The following ROR1 variants were observed in gnomAD, a reference collection of about 807,000 sequenced individuals.
ROR1 encodes inactive tyrosine-protein kinase transmembrane receptor ROR1.
A neutral mutation model predicts 78.8 loss-of-function variants in ROR1; 19 were observed. The ratio of observed to expected loss-of-function variants is 0.24; its 90% confidence interval spans 0.17 to 0.35. The LOEUF is 0.35. Among genes scored for constraint, ROR1 ranks in the 10% least tolerant of loss-of-function variants. The pLI, the probability that ROR1 is intolerant of heterozygous loss-of-function variation, is 1.00. For synonymous variants in ROR1, 386 were observed against 433.6 expected (o/e 0.89, Z 1.36); for missense variants, 917 against 1,177.8 (o/e 0.78, Z 3.24).
At chr1:63,821,930 G>A (rs897037383) in intron 1 of ROR1, among the ~76,000 whole-genome samples, 21 of 152,168 alleles carry the variant, frequency 1.4e-4, no homozygotes, top group African/African-American at 3.9e-4. Flanking sequence ...TCTCATATGG[G>A]ATTTTGGTAT....
chr1:63,802,467 A>T (rs1317525539), intron 1 of ROR1, among the ~76,000 whole-genome samples: 2 of 152,226 alleles, frequency 1.3e-5, no homozygotes, highest in Non-Finnish European at 2.9e-5. Flanking sequence ...AATTTTTACA[A>T]TGCTCATGAA....
Position 63,774,444 on chromosome 1 carries a change from G to T in ROR1, c.27G>T (p.Thr9=). The T allele has an allele frequency of 3.4e-6, 4 of 1,176,058 alleles. No homozygotes were observed. The highest frequency in any genetic ancestry group is 4.2e-6 in the Non-Finnish European group (4 of 957,046). The allele number at this position is 1,176,058 out of a possible 1,614,324, so 72.9% of individuals were successfully genotyped here. The part of the protein sequence containing the change: MHRPRRRG[T]RPPLLALLAA... ...TGCACCGGCCGCGCCGCCGCGGGACGCGCCCGCCGCTCCTGGCGCTGCTGG... is the reference window on the plus strand; with the variant it reads ...TGCACCGGCCGCGCCGCCGCGGGACTCGCCCGCCGCTCCTGGCGCTGCTGG... The change falls in exon 1 of 9, where the codon ACG becomes ACT. Residue 9 remains threonine (T), a synonymous_variant. Coordinates refer to ENST00000371079, the MANE Select transcript of ROR1 (RefSeq NM_005012.4). The surrounding 1 kb of genome is among the most constrained non-coding windows in gnomAD (Gnocchi z 5.7).
rs763789277 is a variant in ROR1 at position 64,140,092 on chromosome 1, T to C, written c.611-17T>C. 6 of 1,607,876 alleles carry C rather than the reference T, an allele frequency of 3.7e-6. No individual in the cohort carries two copies. Among genetic ancestry groups the C allele is most frequent in the Non-Finnish European group, 5.1e-6 (6 of 1,175,006 alleles). ...AACCCTGGCCTCTGGGAGTTAATAA[T>C]TGTGTTTGTTTTCCAGCTGCCTTCA... is the stretch of plus-strand genomic sequence containing the variant. On this transcript the variant is annotated splice_polypyrimidine_tract_variant and intron_variant, in intron 5 of 8. Transcript: ENST00000371079.
At chr1:63,991,066 A>G (rs1646291955) in intron 1 of ROR1, among the ~76,000 whole-genome samples, 1 of 151,716 alleles carries the variant, frequency 6.6e-6, no homozygotes, top group Non-Finnish European at 1.5e-5. Flanking sequence ...CCACAGGTGC[A>G]TGACACCATG....
chr1:63,839,658 A>G (rs1645038123), intron 1 of ROR1, among the ~76,000 whole-genome samples: 1 of 152,172 alleles, frequency 6.6e-6, no homozygotes, highest in Non-Finnish European at 1.5e-5. Flanking sequence ...TATTTTGGGT[A>G]CATTTCCTTG....
intron 1 of ROR1, among the ~76,000 whole-genome samples, chr1:63,917,267 C>T (rs1645616221): frequency 1.3e-5 from 2 of 152,146 alleles, no homozygotes; most frequent in Non-Finnish European, 2.9e-5. Flanking sequence ...CTAAGCCTGA[C>T]ACCTGGCAGG....
intron 1 of ROR1, among the ~76,000 whole-genome samples, chr1:63,842,072 C>A (rs1385190797): frequency 6.6e-6 from 1 of 152,154 alleles, no homozygotes; most frequent in Non-Finnish European, 1.5e-5. Context: ...CCATTCAAAC[C>A]ACTGTCCAAA....
At chr1:64,081,768 C>CAA (rs55945635) in intron 4 of ROR1, among the ~76,000 whole-genome samples, 17 of 98,934 alleles carry the variant, frequency 1.7e-4, no homozygotes, top group Admixed American at 1.1e-3. Flanking sequence ...GAGACACTGT[C>CAA]AAAAAAAAAA....
intron 1 of ROR1, among the ~76,000 whole-genome samples, chr1:63,855,920 G>A (rs532009263): frequency 2.6e-5 from 4 of 151,942 alleles, no homozygotes; most frequent in Non-Finnish European, 4.4e-5. Context: ...GCCTCCCAAA[G>A]TGCTGGGATT....
At chr1:64,123,302 C>T (rs771823030) in intron 4 of ROR1, among the ~76,000 whole-genome samples, 1 of 152,174 alleles carries the variant, frequency 6.6e-6, no homozygotes, top group Non-Finnish European at 1.5e-5. Flanking sequence ...GACACTATGT[C>T]TTGTTATACT....
At chr1:64,058,976 T>C (rs1322555174) in intron 4 of ROR1, among the ~76,000 whole-genome samples, 1 of 152,208 alleles carries the variant, frequency 6.6e-6, no homozygotes, top group Non-Finnish European at 1.5e-5. Context: ...TGGGAAGTTT[T>C]AAAATTACTA....
intron 1 of ROR1, among the ~76,000 whole-genome samples, chr1:63,871,415 T>A (rs1645250721): frequency 6.6e-6 from 1 of 152,114 alleles, no homozygotes; most frequent in African/African-American, 2.4e-5. Flanking sequence ...TAGAGGGATG[T>A]TGTGAGCAAA....
At chr1:63,995,837 C>G (rs1646332836) in intron 1 of ROR1, among the ~76,000 whole-genome samples, 1 of 152,104 alleles carries the variant, frequency 6.6e-6, no homozygotes. Flanking sequence ...TTAGGCGGTT[C>G]TCTGATCTGG....
rs552092126 is a variant in ROR1, at chr1:63,875,562, G to C, written c.91+101054G>C. Among the ~76,000 whole-genome samples the C allele has an allele frequency of 5.9e-5, 9 of 152,092 alleles. No homozygotes were observed. The East Asian group carries it at 1.5e-3, about 26-fold the overall frequency. ...TTTTTCTTCTTTCTTAACTTTACCT[G>C]GTATGCCATGTTTATAATCACTGCT... On this transcript the variant is annotated intron_variant, in intron 1 of 8. Transcript: ENST00000371079.
chr1:64,118,232 G>C (rs945490228), intron 4 of ROR1, among the ~76,000 whole-genome samples: 1 of 152,106 alleles, frequency 6.6e-6, no homozygotes, highest in South Asian at 2.1e-4. Context: ...AAACATTCAA[G>C]CAAGATCCCA....
At chr1:64,024,523 T>C (rs1646593002) in intron 2 of ROR1, among the ~76,000 whole-genome samples, 1 of 152,102 alleles carries the variant, frequency 6.6e-6, no homozygotes, top group Non-Finnish European at 1.5e-5. Context: ...AACAAATGTG[T>C]TCCATTGTAG....
chr1:63,866,986 A>G (rs974670449), intron 1 of ROR1, among the ~76,000 whole-genome samples: 6 of 152,268 alleles, frequency 3.9e-5, no homozygotes, highest in Non-Finnish European at 7.3e-5. Flanking sequence ...CTGGATAGGC[A>G]TAGTGAAAAC....
intron 1 of ROR1, among the ~76,000 whole-genome samples, chr1:63,911,583 C>G (rs1400042516): frequency 6.6e-6 from 1 of 152,012 alleles, no homozygotes; most frequent in East Asian, 1.9e-4. Flanking sequence ...ACCATCCCCC[C>G]CACCCCCAAC....
intron 2 of ROR1, among the ~76,000 whole-genome samples, chr1:64,039,681 A>T (rs1646730996): frequency 6.6e-6 from 1 of 152,192 alleles, no homozygotes; most frequent in Admixed American, 6.5e-5. Flanking sequence ...ATGCTGAGGC[A>T]TCTCCTGTGC....
Sources: gnomAD v4.1 joint callset for allele counts (sites outside exome capture counted in the v4.1 genomes callset) on GRCh38, gnomAD v4.1.1 for gene constraint, Gnocchi (gnomAD v3.1) non-coding constraint, MANE v1.5 for transcripts, NCBI Gene and HGNC (gene_info 2026-07-23, HGNC 2026-07-21) for gene names.